The following MACROD2 variants were observed in gnomAD, a reference collection of about 807,000 sequenced individuals.
MACROD2 encodes the protein ADP-ribose glycohydrolase MACROD2.
Under a neutral mutation model 70.4 loss-of-function variants are expected in MACROD2, and 36 were observed. The ratio of observed to expected loss-of-function variants is 0.51; its 90% CI spans 0.39 to 0.68. The LOEUF is 0.68. Ranked by LOEUF, MACROD2 falls within the 30% of genes least tolerant of loss-of-function variation. The pLI, the probability that MACROD2 is intolerant of heterozygous loss-of-function variation, is 0.00. For synonymous variants in MACROD2, 172 were observed against 178.8 expected (o/e 0.96, Z 0.30); for missense variants, 496 against 538.4 (o/e 0.92, Z 0.78).
intron 5 of MACROD2, among the ~76,000 whole-genome samples, chr20:14,960,507 GT>G (rs2074574029): frequency 6.6e-6 from 1 of 152,116 alleles, no homozygotes; most frequent in Non-Finnish European, 1.5e-5. Context: ...TGAAAAGAGG[GT>G]TTTCGTATGT....
chr20:15,220,510 T>C (rs1271014438), intron 5 of MACROD2, among the ~76,000 whole-genome samples: 1 of 152,264 alleles, frequency 6.6e-6, no homozygotes, highest in East Asian at 1.9e-4. Context: ...CCTTGAATGA[T>C]AGGGCATTCC....
At chr20:14,553,029 C>CTTTTTTATGTTATATACT (rs1978767359) in intron 4 of MACROD2, among the ~76,000 whole-genome samples, 2 of 151,882 alleles carry the variant, frequency 1.3e-5, no homozygotes, top group South Asian at 4.2e-4. Flanking sequence ...CTTATTGTAA[C>CTTTTTTATGTTATATACT]TTTTTTATGT....
chr20:14,565,209 G>A (rs562528173), intron 4 of MACROD2, among the ~76,000 whole-genome samples: 2 of 151,854 alleles, frequency 1.3e-5, no homozygotes, highest in South Asian at 2.1e-4. Flanking sequence ...AGGTGAGAAG[G>A]GGCCAAGGGA....
At chr20:15,002,785 C>T (rs976162279) in intron 5 of MACROD2, among the ~76,000 whole-genome samples, 1 of 152,188 alleles carries the variant, frequency 6.6e-6, no homozygotes, top group Non-Finnish European at 1.5e-5. Context: ...CTGAATCAGA[C>T]ACGCTCCACT....
chr20:15,428,805 T>G (rs2046331126), intron 6 of MACROD2, among the ~76,000 whole-genome samples: 1 of 152,214 alleles, frequency 6.6e-6, no homozygotes, highest in South Asian at 2.1e-4. Flanking sequence ...CTTGTGTCAA[T>G]TTAATTATCA....
chr20:14,964,525 A>G (rs1283358230), intron 5 of MACROD2, among the ~76,000 whole-genome samples: 1 of 152,060 alleles, frequency 6.6e-6, no homozygotes, highest in African/African-American at 2.4e-5. Context: ...GTGAGCCGAG[A>G]TCGCGCCACT....
intron 5 of MACROD2, among the ~76,000 whole-genome samples, chr20:15,030,478 A>G (rs6079636): frequency 0.17 from 26,007 of 152,086 alleles, 2,899 homozygotes; most frequent in East Asian, 0.36. Context: ...GTTCTACACA[A>G]TGTCCCAGAA....
At chr20:16,037,827 C>A (rs2067255287) in intron 15 of MACROD2, among the ~76,000 whole-genome samples, 2 of 151,646 alleles carry the variant, frequency 1.3e-5, no homozygotes, top group East Asian at 3.9e-4. Flanking sequence ...TTTTCCTCTC[C>A]CTTAGCATGT....
At chr20:15,177,492 C>A (rs1419605208) in intron 5 of MACROD2, among the ~76,000 whole-genome samples, 2 of 152,196 alleles carry the variant, frequency 1.3e-5, no homozygotes, top group Non-Finnish European at 2.9e-5. Flanking sequence ...CATGTCAGAG[C>A]TGCTGCAGAA....
chr20:14,007,712 A>T (rs762473401), intron 2 of MACROD2, among the ~76,000 whole-genome samples: 5 of 152,146 alleles, frequency 3.3e-5, no homozygotes, highest in Non-Finnish European at 5.9e-5. Flanking sequence ...TTAAGGCTCC[A>T]CTAGAATACC....
chr20:14,063,526 A>AG (rs1273793563), intron 2 of MACROD2, among the ~76,000 whole-genome samples: 2 of 152,206 alleles, frequency 1.3e-5, no homozygotes, highest in African/African-American at 2.4e-5. Context: ...AAACTTTTTG[A>AG]GGGGTGATGT....
At chr20:15,612,043 C>T (rs749626971) in intron 8 of MACROD2, among the ~76,000 whole-genome samples, 7 of 151,600 alleles carry the variant, frequency 4.6e-5, no homozygotes, top group African/African-American at 4.9e-5. Context: ...TAATGGTGAC[C>T]GACTGGTGGA....
chr20:15,023,469 A>AC (rs1431669526), intron 5 of MACROD2, among the ~76,000 whole-genome samples: 1 of 151,892 alleles, frequency 6.6e-6, no homozygotes, highest in East Asian at 1.9e-4. Flanking sequence ...GGCTGGCATC[A>AC]CCCCCTGTTG....
chr20:15,638,374 C>T (rs2049402506), intron 8 of MACROD2, among the ~76,000 whole-genome samples: 1 of 152,192 alleles, frequency 6.6e-6, no homozygotes, highest in African/African-American at 2.4e-5. Context: ...ACACCACTCA[C>T]TCAACCATAC....
chr20:14,013,219 A>G (rs1199578236), intron 2 of MACROD2, among the ~76,000 whole-genome samples: 2 of 151,258 alleles, frequency 1.3e-5, no homozygotes, highest in Non-Finnish European at 2.9e-5. Flanking sequence ...GAATCAATGT[A>G]TAAGTGGACC....
At chr20:15,887,581 C>G (rs183553930) in intron 10 of MACROD2, among the ~76,000 whole-genome samples, 8 of 152,250 alleles carry the variant, frequency 5.3e-5, no homozygotes, top group African/African-American at 1.9e-4. Flanking sequence ...ATTAATTTCT[C>G]TGGAGCAGAC....
intron 5 of MACROD2, among the ~76,000 whole-genome samples, chr20:14,938,870 A>G (rs960494009): frequency 6.6e-6 from 1 of 150,496 alleles, no homozygotes; most frequent in African/African-American, 2.4e-5. Context: ...TTTGTAACAA[A>G]TCAAATGGCC....
intron 3 of MACROD2, among the ~76,000 whole-genome samples, chr20:14,155,420 C>A (rs1221718847): frequency 2.6e-5 from 4 of 151,992 alleles, no homozygotes; most frequent in Non-Finnish European, 4.4e-5. Context: ...AATACCTTCC[C>A]ATCGGTATGC....
intron 8 of MACROD2, among the ~76,000 whole-genome samples, chr20:15,569,520 C>T (rs1332970119): frequency 6.6e-6 from 1 of 152,108 alleles, no homozygotes; most frequent in Non-Finnish European, 1.5e-5. Flanking sequence ...ATTTTGTATT[C>T]TTTGATCACC....
Sources: allele counts gnomAD v4.1 joint callset (sites outside exome capture counted in the v4.1 genomes callset), GRCh38; gene constraint gnomAD v4.1.1; transcripts MANE v1.5; gene names NCBI Gene and HGNC (gene_info 2026-07-23, HGNC 2026-07-21).